TMC1: variants seen among roughly 807,000 people sequenced by gnomAD.
The protein encoded by TMC1 is transmembrane channel-like protein 1.
A neutral mutation model predicts 105.8 loss-of-function variants in TMC1; 84 were observed. The observed-to-expected ratio is 0.79, with a 90% CI of 0.67 to 0.95. The LOEUF is 0.95. TMC1 is among the 40% of genes least tolerant of loss of function. The pLI is 0.00. For missense variants in TMC1, 817 were observed against 914.1 expected (o/e 0.89, Z 1.37); for synonymous variants, 315 against 311.5 (o/e 1.01, Z -0.12).
chr9:72,791,867 C>A lies in TMC1; in HGVS notation c.1225-19C>A. ...TTTAAACACCATTAACCTAGTTTCT[C>A]CCTTGTGCCTCCTTGTAGATGAACA... On this transcript the variant is annotated intron_variant, in intron 15 of 23. Coordinates refer to ENST00000297784, the MANE Select transcript of TMC1 (RefSeq NM_138691.3). 1 of 1,608,000 alleles carries A rather than the reference C, an allele frequency of 6.2e-7. No individual in the cohort carries two copies. The highest frequency in any genetic ancestry group is 8.5e-7 in the Non-Finnish European group (1 of 1,176,678).
chr9:72,575,878 T>C (rs756540516), intron 1 of TMC1, among the ~76,000 whole-genome samples: 6 of 150,660 alleles, frequency 4.0e-5, no homozygotes, highest in Non-Finnish European at 8.8e-5. Flanking sequence ...TTCCTATGAG[T>C]CAGGAAAGAG....
chr9:72,650,872 T>TTATATATA (rs71495328), intron 5 of TMC1, among the ~76,000 whole-genome samples: 24,908 of 119,220 alleles, frequency 0.21, 3,196 homozygotes, highest in East Asian at 0.33. Flanking sequence ...ATGGTGTATT[T>TTATATATA]TATATATATA....
chr9:72,807,041 C>T (rs1346071223), intron 18 of TMC1, among the ~76,000 whole-genome samples: 2 of 152,232 alleles, frequency 1.3e-5, no homozygotes, highest in Admixed American at 6.5e-5. Context: ...GCTGGCGGAT[C>T]ACTTGCGGTT....
At chr9:72,713,201 T>C (rs1164727201) in intron 8 of TMC1, among the ~76,000 whole-genome samples, 2 of 152,234 alleles carry the variant, frequency 1.3e-5, no homozygotes, top group African/African-American at 4.8e-5. Context: ...GATCTTTGCA[T>C]TGATGTTCAT....
In TMC1 at chr9:72,522,794, T is replaced by C. The variant is rs1245800902; in HGVS notation, c.-428+881T>C. On this transcript the variant is annotated intron_variant, in intron 1 of 23. Transcript: ENST00000297784. ...CACTGGACACTGTCTGTGGAGCTGC[T>C]GGAACAGCGCTGAATAGGGTCATAT... is the stretch of plus-strand genomic sequence containing the variant. Among the ~76,000 whole-genome samples, 4 of 152,256 alleles carry C rather than the reference T, an allele frequency of 2.6e-5. No individual in the cohort carries two copies. In the East Asian group the frequency reaches 7.7e-4, roughly 29 times the overall value.
At position 72,614,765 on chromosome 9, in the gene TMC1, C is replaced by T. The variant is rs537340552; in HGVS notation, c.-305-1603C>T. On this transcript the variant is annotated intron_variant, in intron 2 of 23. Coordinates refer to ENST00000297784, the MANE Select transcript of TMC1 (RefSeq NM_138691.3). ...GCGTGATCTCGGTTCACTGTAACCA[C>T]CGCCTCCCAGGTTCAAGTGATTCTT... Among the ~76,000 whole-genome samples, 225 of 152,240 alleles carry T rather than the reference C, an allele frequency of 1.5e-3. 2 individuals carry two copies. The highest frequency in any genetic ancestry group is 2.8e-3 in the Admixed American group (43 of 15,288).
At chr9:72,777,333 T>C (rs961471280) in intron 13 of TMC1, among the ~76,000 whole-genome samples, 1 of 152,212 alleles carries the variant, frequency 6.6e-6, no homozygotes, top group Non-Finnish European at 1.5e-5. Context: ...GTCGAAGGAA[T>C]TTCTCCTTAT....
intron 18 of TMC1, among the ~76,000 whole-genome samples, chr9:72,806,306 G>A (rs1457837626): frequency 2.0e-5 from 3 of 149,092 alleles, no homozygotes; most frequent in Admixed American, 2.0e-4. Flanking sequence ...GCCGGGCAGA[G>A]GCGCCCCTCA....
chr9:72,587,227 C>T (rs1202854541), intron 2 of TMC1, among the ~76,000 whole-genome samples: 5 of 151,472 alleles, frequency 3.3e-5, no homozygotes, highest in East Asian at 3.9e-4. Flanking sequence ...GGCTTGATCT[C>T]GACTCACTGC....
chr9:72,563,488 T>G (rs1824093382), intron 1 of TMC1, among the ~76,000 whole-genome samples: 1 of 152,148 alleles, frequency 6.6e-6, no homozygotes, highest in African/African-American at 2.4e-5. Context: ...CTAGGATTTT[T>G]GTAGAGGACT....
At chr9:72,589,337 A>G (rs1011809570) in intron 2 of TMC1, among the ~76,000 whole-genome samples, 9 of 152,226 alleles carry the variant, frequency 5.9e-5, no homozygotes, top group Non-Finnish European at 1.0e-4. Flanking sequence ...CACAAATGTG[A>G]ACTATTAATA....
chr9:72,582,010 T>G (rs1257611348), intron 2 of TMC1, among the ~76,000 whole-genome samples: 7 of 151,806 alleles, frequency 4.6e-5, no homozygotes, highest in Admixed American at 4.6e-4. Context: ...CAGGATGAAG[T>G]GCAATGGCGC....
chr9:72,611,399 C>T (rs1269042102), intron 2 of TMC1, among the ~76,000 whole-genome samples: 2 of 152,122 alleles, frequency 1.3e-5, no homozygotes, highest in African/African-American at 4.8e-5. Context: ...GTTGATAAGA[C>T]TTGGGAAAAA....
chr9:72,703,132 T>A (rs561683814), intron 8 of TMC1, among the ~76,000 whole-genome samples: 1 of 151,648 alleles, frequency 6.6e-6, no homozygotes, highest in African/African-American at 2.4e-5. Flanking sequence ...TTTAAATTAC[T>A]TTTTTTTTCT....
rs146553485 is a variant in TMC1 at position 72,615,249 on chromosome 9, G to A, written c.-305-1119G>A. The stretch of plus-strand genomic sequence containing the variant: ...AATTCTCCTGGTAAACTGGAGGGGT[G>A]TGCAATTATTGTCATCTCCATTTTA... On this transcript the variant is annotated intron_variant, in intron 2 of 23. Coordinates refer to ENST00000297784, the MANE Select transcript of TMC1 (RefSeq NM_138691.3). Among the ~76,000 whole-genome samples the A allele has an allele frequency of 1.1e-3, 161 of 152,268 alleles. 1 individual carries two copies. Among genetic ancestry groups the A allele is most frequent in the African/African-American group, 3.6e-3 (151 of 41,558 alleles).
chr9:72,624,786 A>T (rs115271477), intron 3 of TMC1, among the ~76,000 whole-genome samples: 1 of 152,180 alleles, frequency 6.6e-6, no homozygotes, highest in Admixed American at 6.5e-5. Context: ...CTCACCTGCA[A>T]TGTGTTCTGA....
At chr9:72,538,884 G>C (rs557592499) in intron 1 of TMC1, among the ~76,000 whole-genome samples, 1 of 152,218 alleles carries the variant, frequency 6.6e-6, no homozygotes, top group Admixed American at 6.5e-5. Flanking sequence ...TGTTAATGCT[G>C]GTCATTTGTG....
chr9:72,791,801 G>T (rs1316740683), intron 15 of TMC1, 85 bp from the exon 16 acceptor site: 4 of 1,140,466 alleles, frequency 3.5e-6, no homozygotes, highest in African/African-American at 3.0e-5. Flanking sequence ...AAGAAGCCTA[G>T]CTCAGAATCT....
intron 12 of TMC1, among the ~76,000 whole-genome samples, chr9:72,757,444 A>G (rs1480034805): frequency 1.3e-5 from 2 of 152,256 alleles, no homozygotes; most frequent in Non-Finnish European, 2.9e-5. Context: ...TGTAGCACAC[A>G]GTACAGGCTG....
Sources: gnomAD v4.1 joint callset for allele counts (sites outside exome capture counted in the v4.1 genomes callset) on GRCh38, gnomAD v4.1.1 for gene constraint, MANE v1.5 for transcripts, NCBI Gene and HGNC (gene_info 2026-07-23, HGNC 2026-07-21) for gene names.